The following AMELX variants were observed in gnomAD, a reference collection of about 807,000 sequenced individuals.
AMELX encodes the protein amelogenin X-linked.
AMELX carries 9 observed loss-of-function variants against 15.8 expected under a neutral mutation model. The ratio of observed to expected loss-of-function variants is 0.57; its 90% CI spans 0.34 to 0.99. The LOEUF is 0.99. Ranked by LOEUF, AMELX falls within the 50% of genes least tolerant of loss-of-function variation. The pLI is 0.02. For missense variants in AMELX, 107 were observed against 156.2 expected (o/e 0.68, Z 1.68); for synonymous variants, 61 against 58.8 (o/e 1.04, Z -0.17).
the AMELX span, among the ~76,000 whole-genome samples, chrX:11,306,827 G>C: frequency 8.9e-6 from 1 of 112,112 alleles, no homozygotes; most frequent in African/African-American, 3.2e-5. Context: ...ATATACTAGA[G>C]AGCTAACTGT....
chrX:11,304,868 TCAC>T (rs1418661925), downstream of AMELX, among the ~76,000 whole-genome samples: 1 of 89,804 alleles, frequency 1.1e-5, no homozygotes, highest in Non-Finnish European at 2.1e-5. Context: ...TTCACTGCAA[TCAC>T]CACCTCCCAA....
chrX:11,303,377 G>A (rs1024959322), downstream of AMELX, among the ~76,000 whole-genome samples: 2 of 112,123 alleles, frequency 1.8e-5, no homozygotes, highest in African/African-American at 6.5e-5. Context: ...TCTTCCAGAC[G>A]ATAAATAATT....
chrX:11,305,431 A>C (rs1305079841), downstream of AMELX, among the ~76,000 whole-genome samples: 6 of 112,157 alleles, frequency 5.3e-5, no homozygotes, highest in Non-Finnish European at 1.1e-4. Context: ...TAGAATAGTT[A>C]TTTGCTTCTT....
At chrX:11,304,777 C>CTTTTTTTTTTTTTTT (rs953912280), downstream of AMELX, among the ~76,000 whole-genome samples, 2 of 50,308 alleles carry the variant, frequency 4.0e-5, no homozygotes, top group Non-Finnish European at 7.4e-5. Context: ...CTTTCTTTTA[C>CTTTTTTTTTTTTTTT]TTTTTTTTTT....
At chrX:11,308,123 T>G in the AMELX span, among the ~76,000 whole-genome samples, 1 of 112,305 alleles carries the variant, frequency 8.9e-6, no homozygotes, top group Non-Finnish European at 1.9e-5. Flanking sequence ...TTTAAGGTAA[T>G]AGATCACCAA....
the AMELX span, among the ~76,000 whole-genome samples, chrX:11,308,366 T>TA: frequency 2.5e-4 from 28 of 111,316 alleles, no homozygotes; most frequent in African/African-American, 7.8e-4. Flanking sequence ...CTGGAATCAT[T>TA]AAAAAAAATA....
At chrX:11,303,763 G>A (rs201017371), downstream of AMELX, among the ~76,000 whole-genome samples, 1 of 111,259 alleles carries the variant, frequency 9.0e-6, no homozygotes, top group East Asian at 2.8e-4. Context: ...GATGGTAGGG[G>A]GTGCAGCCTC....
At chrX:11,301,450 T>C (rs190464060), downstream of AMELX, among the ~76,000 whole-genome samples, 194 of 111,927 alleles carry the variant, frequency 1.7e-3, no homozygotes, top group Non-Finnish European at 2.9e-3. Context: ...TCCTTTTTTC[T>C]TCCTACACCC....
At position 11,298,296 on chromosome X, in the gene AMELX, C is replaced by T. The variant is rs768435519; in HGVS notation, c.144+19C>T. The stretch of plus-strand genomic sequence containing the variant: ...GCCACCGGTATGTAGACATTTTGTT[C>T]CTTATTCCCTGAAAATATTAGGCAT... On this transcript the variant is annotated intron_variant, in intron 4 of 5. Transcript: ENST00000380714. 5 of 1,204,171 alleles carry T rather than the reference C, an allele frequency of 4.2e-6. No individual in the cohort carries two copies. The Admixed American group carries it at 1.1e-4, about 26-fold the overall frequency.
At chrX:11,305,433 T>C (rs1369175854), downstream of AMELX, among the ~76,000 whole-genome samples, 1 of 112,285 alleles carries the variant, frequency 8.9e-6, no homozygotes, top group African/African-American at 3.2e-5. Context: ...GAATAGTTAT[T>C]TGCTTCTTCA....
At position 11,298,226 on chromosome X, in the gene AMELX, T is replaced by C. The variant is rs1449113220; in HGVS notation, c.103-10T>C. 1.7e-6 allele frequency: 2 copies of C among 1,209,859 alleles called. No homozygotes were observed. The highest frequency in any genetic ancestry group is 3.5e-5 in the African/African-American group (2 of 57,198). Reference sequence around the variant, plus strand: ...AAATCAAATGGGTTCTAATATCTTTTTCTCTTAAGGTGCTTACCCCTTTGA... The same window carrying C: ...AAATCAAATGGGTTCTAATATCTTTCTCTCTTAAGGTGCTTACCCCTTTGA... On this transcript the variant is annotated splice_polypyrimidine_tract_variant and intron_variant, in intron 3 of 5. Coordinates refer to ENST00000380714, the MANE Select transcript of AMELX (RefSeq NM_001142.2).
intron 1 of AMELX, 21 bp from the exon 2 acceptor site, chrX:11,294,756 G>A (rs752442424): frequency 9.2e-6 from 11 of 1,200,403 alleles, no homozygotes; most frequent in Non-Finnish European, 1.0e-5. Flanking sequence ...TAAGAAAAGT[G>A]GATGTTGACT....
Position 11,298,785 on chromosome X carries a change from C to G in AMELX, c.382C>G (p.Gln128Glu). ...CCCTCCGCCCGCCCAGCAGCCCTAC[C>G]AGCCCCAGCCTGTTCAGCCACAGCC... is the stretch of plus-strand genomic sequence containing the variant. ...NLPPPAQQPY[Q>E]PQPVQPQPHQ... Residue 128 changes from glutamine (Q) to glutamate (E), a missense_variant, in exon 5 of 6, where the codon CAG becomes GAG. Transcript: ENST00000380714. 1 of 1,211,116 alleles carries G rather than the reference C, an allele frequency of 8.3e-7. No homozygotes were observed. The highest frequency in any genetic ancestry group is 2.2e-5 in the Admixed American group (1 of 45,950).
chrX:11,297,053 T>C (rs2048097986), intron 3 of AMELX, among the ~76,000 whole-genome samples: 1 of 111,500 alleles, frequency 9.0e-6, no homozygotes, highest in African/African-American at 3.3e-5. Flanking sequence ...CTCCTAAATA[T>C]GGCCGTAAGC....
intron 4 of AMELX, 42 bp from the exon 5 acceptor site, chrX:11,298,506 C>T (rs1430225244): frequency 8.3e-7 from 1 of 1,205,600 alleles, no homozygotes; most frequent in Admixed American, 2.2e-5. Context: ...TGGTTGGAGT[C>T]ACCTGAGCCA....
chrX:11,298,353 A>G (rs1301809932), intron 4 of AMELX, 76 bp downstream of exon 4: 2 of 1,112,360 alleles, frequency 1.8e-6, no homozygotes, highest in Non-Finnish European at 2.5e-6. Flanking sequence ...GTGAAATATC[A>G]TGTCTACTCC....
At chrX:11,304,777 CTTTTTTTTTTTTTTTTT>C (rs953912280), downstream of AMELX, among the ~76,000 whole-genome samples, 66 of 50,285 alleles carry the variant, frequency 1.3e-3, no homozygotes, top group Non-Finnish European at 2.4e-3. Context: ...CTTTCTTTTA[CTTTTTTTTTTTTTTTTT>C]TTTTTTTTTT....
intron 1 of AMELX, among the ~76,000 whole-genome samples, 180 bp from the exon 2 acceptor site, chrX:11,294,597 C>T (rs1166351197): frequency 8.9e-6 from 1 of 112,095 alleles, no homozygotes; most frequent in Non-Finnish European, 1.9e-5. Context: ...ACTGTGACTC[C>T]AGAAACAATG....
At chrX:11,298,458 C>G in intron 4 of AMELX, 90 bp from the exon 5 acceptor site, 1 of 1,171,211 alleles carries the variant, frequency 8.5e-7, no homozygotes, top group Non-Finnish European at 1.2e-6. Context: ...TAAAATATTC[C>G]TATAGCCATA....
Sources: allele counts gnomAD v4.1 joint callset (sites outside exome capture counted in the v4.1 genomes callset), GRCh38; gene constraint gnomAD v4.1.1; transcripts MANE v1.5; gene names NCBI Gene and HGNC (gene_info 2026-07-23, HGNC 2026-07-21).